The following OXCT1 variants were observed in gnomAD, a reference collection of about 807,000 sequenced individuals.
OXCT1 encodes the protein succinyl-CoA:3-ketoacid coenzyme A transferase 1, mitochondrial.
In OXCT1, 27 loss-of-function variants were observed where a neutral mutation model predicts 69.6. That is an observed-to-expected ratio of 0.39 (90% CI 0.29 to 0.54). The LOEUF is 0.54. Ranked by LOEUF, OXCT1 falls within the 20% of genes least tolerant of loss-of-function variation. OXCT1 has a pLI of 0.72. For missense variants in OXCT1, 437 were observed against 650.2 expected (o/e 0.67, Z 3.57); for synonymous variants, 202 against 217.8 (o/e 0.93, Z 0.64).
chr5:41,730,189 A>G lies in OXCT1; in HGVS notation c.*1540T>C, dbSNP rs928670840. 1 of 152,242 alleles carries G rather than the reference A, an allele frequency of 6.6e-6. No individual in the cohort carries two copies. Among genetic ancestry groups the G allele is most frequent in the Admixed American group, 6.5e-5 (1 of 15,286 alleles). 9.4% of individuals were successfully genotyped at this position (152,242 alleles called of 1,614,324 possible). ...TATCTTAAAGATGCATACTGGAATG[A>G]TAAGTTTGAAGATGTAACTATCAAC... On this transcript the variant is annotated 3_prime_UTR_variant, in exon 17 of 17. Transcript: ENST00000196371.
chr5:41,741,931 A>G (rs1743188724), intron 15 of OXCT1, among the ~76,000 whole-genome samples: 1 of 152,340 alleles, frequency 6.6e-6, no homozygotes, highest in East Asian at 1.9e-4. Flanking sequence ...TAAAATGAAC[A>G]CTTTCTTTGC....
intron 12 of OXCT1, 79 bp from the exon 13 acceptor site, chr5:41,794,157 A>G (rs1579750270): frequency 1.0e-6 from 1 of 983,644 alleles, no homozygotes; most frequent in East Asian, 2.4e-5. Context: ...CAATTAGAAT[A>G]ACTTCATACC....
intron 5 of OXCT1, among the ~76,000 whole-genome samples, chr5:41,847,908 T>C (rs1299626004): frequency 6.7e-6 from 1 of 150,222 alleles, no homozygotes; most frequent in African/African-American, 2.5e-5. Flanking sequence ...CTATTCAACA[T>C]AGTGTTGGAA....
At chr5:41,792,835 C>T (rs1672164370) in intron 13 of OXCT1, among the ~76,000 whole-genome samples, 1 of 152,106 alleles carries the variant, frequency 6.6e-6, no homozygotes, top group Non-Finnish European at 1.5e-5. Flanking sequence ...GTTCTCAAAC[C>T]TGGTCACATA....
intron 16 of OXCT1, among the ~76,000 whole-genome samples, chr5:41,734,444 G>A (rs1197530840): frequency 2.0e-5 from 3 of 152,078 alleles, no homozygotes; most frequent in African/African-American, 7.2e-5. Context: ...ATTGAAAGCC[G>A]TTATTTTCAA....
chr5:41,851,954 G>T (rs999728339), intron 4 of OXCT1, among the ~76,000 whole-genome samples: 2 of 152,092 alleles, frequency 1.3e-5, no homozygotes, highest in Admixed American at 1.3e-4. Context: ...CTATAAGGAG[G>T]TCATCAAGGT....
At chr5:41,731,811 C>A in intron 16 of OXCT1, 41 bp from the exon 17 acceptor site, 1 of 1,581,904 alleles carries the variant, frequency 6.3e-7, no homozygotes, top group Non-Finnish European at 8.6e-7. Context: ...TGAAAAACTG[C>A]ATGATATAAA....
At chr5:41,748,024 T>C (rs1349211173) in intron 15 of OXCT1, among the ~76,000 whole-genome samples, 1 of 152,062 alleles carries the variant, frequency 6.6e-6, no homozygotes, top group Non-Finnish European at 1.5e-5. Context: ...CTTCCTCCTT[T>C]CTGTAGCACA....
chr5:41,827,248 C>T (rs35077044), intron 7 of OXCT1, among the ~76,000 whole-genome samples: 35,823 of 152,036 alleles, frequency 0.24, 4,419 homozygotes, highest in Middle Eastern at 0.34. Flanking sequence ...ATAATTCCTA[C>T]TTATACATAT....
chr5:41,761,546 T>G (rs944533132), intron 14 of OXCT1, among the ~76,000 whole-genome samples: 3 of 152,160 alleles, frequency 2.0e-5, no homozygotes, highest in African/African-American at 7.2e-5. Context: ...CATCCTAGCA[T>G]GCCTAGCATG....
At chr5:41,837,643 A>C (rs1047711592) in intron 7 of OXCT1, among the ~76,000 whole-genome samples, 3 of 152,120 alleles carry the variant, frequency 2.0e-5, no homozygotes, top group Admixed American at 6.5e-5. Context: ...AAAAAAAAAA[A>C]AACTCCTTAT....
At chr5:41,840,420 T>G (rs1748571794) in intron 7 of OXCT1, 31 bp downstream of exon 7, 3 of 1,513,704 alleles carry the variant, frequency 2.0e-6, no homozygotes, top group Non-Finnish European at 2.8e-6. Flanking sequence ...GTTAAATAAT[T>G]AACACCAAGA....
chr5:41,868,927 C>T (rs1036323152), intron 1 of OXCT1, among the ~76,000 whole-genome samples: 1 of 152,144 alleles, frequency 6.6e-6, no homozygotes. Context: ...TAATGATATA[C>T]TCAAGATGGA....
At chr5:41,838,625 A>ATTTT (rs113782574) in intron 7 of OXCT1, among the ~76,000 whole-genome samples, 1 of 141,152 alleles carries the variant, frequency 7.1e-6, no homozygotes, top group Admixed American at 7.1e-5. Flanking sequence ...TTCTCAGTCA[A>ATTTT]TTTTTTTTTT....
Position 41,803,083 on chromosome 5 carries a change from C to A in OXCT1, c.1036G>T (p.Gly346Ter), listed in dbSNP as rs1203244751. ...NITVHLQSEN[G>*]VLGLGPYPRQ... The stretch of plus-strand genomic sequence containing the variant: ...TTTCATCTTACCAAACCCAGAACTC[C>A]ATTTTCACTTTGAAGATGAACAGTT... Residue 346 changes from glycine to a stop codon, truncating the protein, a stop_gained, in exon 10 of 17, where the codon GGA (glycine) becomes TGA (stop). Transcript: ENST00000196371. LOFTEE classifies it high-confidence loss of function. The A allele has an allele frequency of 6.2e-7, 1 of 1,610,016 alleles. No individual in the cohort carries two copies. Among genetic ancestry groups the A allele is most frequent in the Non-Finnish European group, 8.5e-7 (1 of 1,176,688 alleles).
At chr5:41,829,326 A>G (rs1256010800) in intron 7 of OXCT1, among the ~76,000 whole-genome samples, 1 of 152,212 alleles carries the variant, frequency 6.6e-6, no homozygotes, top group Non-Finnish European at 1.5e-5. Flanking sequence ...GAAAAATTAT[A>G]AAGACAAAAA....
intron 7 of OXCT1, among the ~76,000 whole-genome samples, chr5:41,839,487 T>C (rs1408748130): frequency 6.6e-6 from 1 of 152,246 alleles, no homozygotes; most frequent in Non-Finnish European, 1.5e-5. Flanking sequence ...CTATCCATTT[T>C]AAATTCAGAA....
At chr5:41,860,849 G>A (rs1253676873) in intron 3 of OXCT1, among the ~76,000 whole-genome samples, 1 of 151,900 alleles carries the variant, frequency 6.6e-6, no homozygotes, top group African/African-American at 2.4e-5. Flanking sequence ...ATGTTTTTGT[G>A]ATTAATGGTA....
intron 7 of OXCT1, among the ~76,000 whole-genome samples, chr5:41,818,761 A>G (rs1170209341): frequency 6.6e-6 from 1 of 152,168 alleles, no homozygotes; most frequent in African/African-American, 2.4e-5. Flanking sequence ...AATACATGGA[A>G]AAACGTGTTT....
Sources: allele counts gnomAD v4.1 joint callset (sites outside exome capture counted in the v4.1 genomes callset), GRCh38; gene constraint gnomAD v4.1.1; transcripts MANE v1.5; gene names NCBI Gene and HGNC (gene_info 2026-07-23, HGNC 2026-07-21).